Variants in GLIS3 observed in about 807,000 individuals in gnomAD.
GLIS3 encodes the protein GLIS family zinc finger 3.
In GLIS3, 53 loss-of-function variants were observed where a neutral mutation model predicts 78.6. The ratio of observed to expected loss-of-function variants is 0.67; its 90% CI spans 0.54 to 0.85. GLIS3 has a LOEUF of 0.85. Among genes scored for constraint, GLIS3 ranks in the 40% least tolerant of loss-of-function variants. GLIS3 has a pLI of 0.00. For synonymous variants in GLIS3, 684 were observed against 509.9 expected, an observed-to-expected ratio of 1.34 and a Z score of -4.60; for missense variants, 1,703 against 1,231.1, an observed-to-expected ratio of 1.38 and a Z score of -5.74.
chr9:4,260,509 G>C (rs116197799), intron 2 of GLIS3, among the ~76,000 whole-genome samples: 5 of 150,120 alleles, frequency 3.3e-5, no homozygotes, highest in African/African-American at 4.9e-5. Context: ...AGAGGTTGTA[G>C]TTAGCCAAGA....
chr9:3,967,037 A>AAC (rs1554660154), intron 4 of GLIS3, among the ~76,000 whole-genome samples: 4 of 147,286 alleles, frequency 2.7e-5, no homozygotes, highest in South Asian at 2.1e-4. Flanking sequence ...AAAAAAACAA[A>AAC]AAAACATTTT....
chr9:4,242,844 A>T (rs1411769866), intron 2 of GLIS3, among the ~76,000 whole-genome samples: 2 of 152,168 alleles, frequency 1.3e-5, no homozygotes, highest in Non-Finnish European at 2.9e-5. Flanking sequence ...TACATAAAAT[A>T]TATTATTAAT....
At chr9:4,213,542 G>A (rs1820553040) in intron 2 of GLIS3, among the ~76,000 whole-genome samples, 1 of 152,198 alleles carries the variant, frequency 6.6e-6, no homozygotes, top group Non-Finnish European at 1.5e-5. Context: ...TGTGGCTAGT[G>A]TAATTAAGAA....
At chr9:4,296,675 G>A (rs1816535977) in intron 1 of GLIS3, among the ~76,000 whole-genome samples, 1 of 152,152 alleles carries the variant, frequency 6.6e-6, no homozygotes, top group South Asian at 2.1e-4. Flanking sequence ...CACTTAAATT[G>A]ATCTACTCAT....
At chr9:3,938,909 T>C (rs1251461672) in intron 4 of GLIS3, among the ~76,000 whole-genome samples, 4 of 152,178 alleles carry the variant, frequency 2.6e-5, no homozygotes, top group African/African-American at 9.7e-5. Flanking sequence ...CCCCAACTCA[T>C]TGCTAAGAGG....
At chr9:4,281,602 T>C (rs1321401523) in intron 2 of GLIS3, among the ~76,000 whole-genome samples, 1 of 152,242 alleles carries the variant, frequency 6.6e-6, no homozygotes, top group Non-Finnish European at 1.5e-5. Flanking sequence ...TGTTGTGGCA[T>C]GTGTCAGAAC....
At chr9:4,408,585 G>A in the GLIS3 span, among the ~76,000 whole-genome samples, 1 of 150,398 alleles carries the variant, frequency 6.6e-6, no homozygotes, top group Non-Finnish European at 1.5e-5. Flanking sequence ...AAATTAGCCG[G>A]GCGCGGTGGC....
intron 2 of GLIS3, among the ~76,000 whole-genome samples, chr9:4,221,729 C>T (rs955663769): frequency 3.3e-5 from 5 of 152,116 alleles, no homozygotes; most frequent in African/African-American, 1.2e-4. Flanking sequence ...AAACACATTA[C>T]AAAGGAGCAG....
chr9:3,989,789 C>T (rs485649), intron 4 of GLIS3, among the ~76,000 whole-genome samples: 104,635 of 152,080 alleles, frequency 0.69, 36,082 homozygotes, highest in East Asian at 0.79. Context: ...ATTAGTGGTG[C>T]TGGAAATGCT....
Position 3,876,808 on chromosome 9 carries a change from T to A in GLIS3, c.2297+2619A>T, listed in dbSNP as rs535652183. Among the ~76,000 whole-genome samples, 64 of 150,572 alleles carry A rather than the reference T, an allele frequency of 4.3e-4. 1 individual carries two copies. The highest frequency in any genetic ancestry group is 1.5e-3 in the South Asian group (7 of 4,668). On this transcript the variant is annotated intron_variant, in intron 8 of 10. Transcript: ENST00000381971. Reference sequence around the variant, plus strand: ...TTGCCATTCTTTATATGTTACAAACTTTCAAGAGGAGGAATAAAAAATACA... The same window carrying A: ...TTGCCATTCTTTATATGTTACAAACATTCAAGAGGAGGAATAAAAAATACA...
chr9:4,194,534 C>T (rs902564165), intron 2 of GLIS3, among the ~76,000 whole-genome samples: 2 of 152,176 alleles, frequency 1.3e-5, no homozygotes, highest in African/African-American at 2.4e-5. Context: ...TTTCAGCATG[C>T]CTCAGCCACT....
Position 4,125,916 on chromosome 9 carries a change from G to A in GLIS3, c.414C>T (p.Cys138=). 5 of 1,613,618 alleles carry A rather than the reference G, an allele frequency of 3.1e-6. No homozygotes were observed. The highest frequency in any genetic ancestry group is 3.4e-6 in the Non-Finnish European group (4 of 1,179,800). Reference sequence around the variant, plus strand: ...TGCAGCTGCCTTTTCCAATGGACTTGCACTGAGGCCCAAAGCCAAGAGCCC... The same window carrying A: ...TGCAGCTGCCTTTTCCAATGGACTTACACTGAGGCCCAAAGCCAAGAGCCC... ...GKGALGFGPQ[C]KSIGKGSCNN... Residue 138 remains cysteine, a synonymous_variant, in exon 3 of 11, where the codon TGC becomes TGT. Coordinates refer to ENST00000381971, the MANE Select transcript of GLIS3 (RefSeq NM_001042413.2).
the GLIS3 span, among the ~76,000 whole-genome samples, chr9:4,383,457 C>A: frequency 6.6e-6 from 1 of 152,090 alleles, no homozygotes; most frequent in Non-Finnish European, 1.5e-5. Context: ...TATTATGTAT[C>A]AAAGATAACA....
the GLIS3 span, among the ~76,000 whole-genome samples, chr9:4,392,019 G>C: frequency 2.6e-5 from 4 of 152,152 alleles, no homozygotes; most frequent in South Asian, 8.3e-4. Flanking sequence ...ATCAGTGACA[G>C]ACTGGATAAA....
At chr9:4,288,998 A>G (rs1009525796) in intron 1 of GLIS3, among the ~76,000 whole-genome samples, 1 of 152,188 alleles carries the variant, frequency 6.6e-6, no homozygotes, top group Non-Finnish European at 1.5e-5. Context: ...ATATGATAAT[A>G]TTTTCTATAC....
chr9:4,280,366 T>C (rs1396226408), intron 2 of GLIS3, among the ~76,000 whole-genome samples: 1 of 152,226 alleles, frequency 6.6e-6, no homozygotes, highest in African/African-American at 2.4e-5. Flanking sequence ...ATACTTTGTA[T>C]GAAAATTAAC....
At chr9:3,920,894 C>A (rs1222922250) in intron 6 of GLIS3, among the ~76,000 whole-genome samples, 1 of 152,132 alleles carries the variant, frequency 6.6e-6, no homozygotes, top group African/African-American at 2.4e-5. Context: ...TCGTGCCTTG[C>A]CAGCTCTCTA....
chr9:4,343,341 CA>C, intron 2 of GLIS3, among the ~76,000 whole-genome samples: 1 of 152,172 alleles, frequency 6.6e-6, no homozygotes. Flanking sequence ...GCACCTGTCT[CA>C]ACAAAACAAA....
intron 2 of GLIS3, among the ~76,000 whole-genome samples, chr9:4,155,747 T>C (rs2131059972): frequency 6.6e-6 from 1 of 152,302 alleles, no homozygotes; most frequent in South Asian, 2.1e-4. Context: ...CACGGACGGC[T>C]GTACAAGCAT....
Sources: gnomAD v4.1 joint callset for allele counts (sites outside exome capture counted in the v4.1 genomes callset) on GRCh38, gnomAD v4.1.1 for gene constraint, MANE v1.5 for transcripts, NCBI Gene and HGNC (gene_info 2026-07-23, HGNC 2026-07-21) for gene names.